MARCHF11: variants seen among roughly 807,000 people sequenced by gnomAD.
MARCHF11 encodes membrane associated ring-CH-type finger 11, also known as E3 ubiquitin-protein ligase MARCHF11.
In MARCHF11, 29 loss-of-function variants were observed where a neutral mutation model predicts 37.3. That is an observed-to-expected ratio of 0.78 (90% CI 0.58 to 1.06). The LOEUF (loss-of-function observed/expected upper bound fraction) is 1.06, where lower values mean the gene tolerates loss of function less well. MARCHF11 is among the 50% of genes least tolerant of loss of function. The probability of loss-of-function intolerance (pLI) is 0.00; values close to 1 mark genes in which losing one functional copy is unlikely to be tolerated. For missense variants in MARCHF11, 482 were observed against 533.4 expected, an observed-to-expected ratio of 0.90 and a Z score of 0.95; for synonymous variants, 233 against 228.0, an observed-to-expected ratio of 1.02 and a Z score of -0.20.
chr5:16,127,596 G>A (rs1737432828), intron 2 of MARCHF11, among the ~76,000 whole-genome samples: 1 of 152,200 alleles, frequency 6.6e-6, no homozygotes, highest in South Asian at 2.1e-4. Flanking sequence ...AATAACTTCT[G>A]GATAAGGAAT....
At chr5:16,087,902 A>T (rs1287114903) in intron 3 of MARCHF11, among the ~76,000 whole-genome samples, 1 of 152,228 alleles carries the variant, frequency 6.6e-6, no homozygotes, top group African/African-American at 2.4e-5. Context: ...TGGCTGGATG[A>T]TAACATTTTT....
chr5:16,089,478 C>T (rs1254418277), intron 3 of MARCHF11, among the ~76,000 whole-genome samples: 1 of 151,980 alleles, frequency 6.6e-6, no homozygotes, highest in African/African-American at 2.4e-5. Context: ...ATTCCGGCAA[C>T]ATCTCTTCAG....
chr5:16,178,748 G>A (rs1463165972), intron 1 of MARCHF11, among the ~76,000 whole-genome samples: 3 of 152,190 alleles, frequency 2.0e-5, no homozygotes, highest in Non-Finnish European at 4.4e-5. Flanking sequence ...CACAAAAGCC[G>A]CTTTTGGCAT....
At chr5:16,086,259 C>A (rs151101827) in intron 3 of MARCHF11, among the ~76,000 whole-genome samples, 1 of 152,062 alleles carries the variant, frequency 6.6e-6, no homozygotes, top group African/African-American at 2.4e-5. Flanking sequence ...CCTAAACCCA[C>A]GTAAACCTAA....
chr5:16,148,497 G>A (rs542754549), intron 2 of MARCHF11, among the ~76,000 whole-genome samples: 28 of 152,228 alleles, frequency 1.8e-4, no homozygotes, highest in African/African-American at 6.5e-4. Flanking sequence ...AGTGCAGAAT[G>A]GCAGGTTTGG....
At chr5:16,107,428 CA>C in intron 2 of MARCHF11, among the ~76,000 whole-genome samples, 1 of 151,906 alleles carries the variant, frequency 6.6e-6, no homozygotes, top group Middle Eastern at 3.4e-3. Context: ...ACGTCTTTGA[CA>C]AAAATTTTGT....
chr5:16,070,029 T>C (rs1736406673), intron 3 of MARCHF11, among the ~76,000 whole-genome samples: 2 of 152,204 alleles, frequency 1.3e-5, no homozygotes, highest in South Asian at 4.1e-4. Flanking sequence ...AGTTACTATA[T>C]ATGACCAAAA....
intron 2 of MARCHF11, among the ~76,000 whole-genome samples, chr5:16,104,523 A>G (rs1173226328): frequency 6.6e-6 from 1 of 152,204 alleles, no homozygotes; most frequent in Non-Finnish European, 1.5e-5. Flanking sequence ...AAGTCCTTAA[A>G]ATAGCAAAAT....
intron 2 of MARCHF11, among the ~76,000 whole-genome samples, chr5:16,123,852 TTTAA>T (rs777397557): frequency 3.9e-5 from 6 of 152,324 alleles, no homozygotes; most frequent in South Asian, 2.1e-4. Flanking sequence ...CACAGCCTTC[TTTAA>T]TTAATAGGTA....
rs185990656 is a variant in MARCHF11 at position 16,067,748 on chromosome 5, C to T, written c.932G>A (p.Arg311His). 13 of 1,613,688 alleles carry T rather than the reference C, an allele frequency of 8.1e-6. No homozygotes were observed. Among genetic ancestry groups the T allele is most frequent in the East Asian group, 4.5e-5 (2 of 44,864 alleles). Residue 311 changes from arginine (R) to histidine (H), a missense_variant, in exon 4 of 4, where the codon CGC becomes CAC. Arg to His is a conservative substitution (Grantham distance 29). Coordinates refer to ENST00000332432, the MANE Select transcript of MARCHF11 (RefSeq NM_001102562.3). ...EGAAVYRVFK[R>H]WRAVNLHWDV... Reference sequence around the variant, plus strand: ...CCAGTGCAAATTCACAGCTCGCCAGCGCTTAAACACTCTGTAAACTGCAGC... The same window carrying T: ...CCAGTGCAAATTCACAGCTCGCCAGTGCTTAAACACTCTGTAAACTGCAGC...
intron 3 of MARCHF11, among the ~76,000 whole-genome samples, chr5:16,078,182 A>G (rs1407548229): frequency 6.6e-6 from 1 of 152,166 alleles, no homozygotes; most frequent in Non-Finnish European, 1.5e-5. Context: ...GTGGAGTGAC[A>G]GGGTCTGGGT....
At chr5:16,158,745 T>C (rs1738024714) in intron 2 of MARCHF11, among the ~76,000 whole-genome samples, 1 of 152,008 alleles carries the variant, frequency 6.6e-6, no homozygotes, top group African/African-American at 2.4e-5. Flanking sequence ...GTGCAGGATG[T>C]GCAGGTTTGT....
In MARCHF11 at chr5:16,089,299, T is replaced by C. The variant is rs902983422; in HGVS notation, c.886+1590A>G. On this transcript the variant is annotated intron_variant, in intron 3 of 3. Transcript: ENST00000332432. ...TCATGCTGAAAGACAGAATAAACACTGTCTTTGAATGTGTTAAGGGATTCA... is the reference window on the plus strand; with the variant it reads ...TCATGCTGAAAGACAGAATAAACACCGTCTTTGAATGTGTTAAGGGATTCA... Among the ~76,000 whole-genome samples the C allele has an allele frequency of 2.3e-4, 35 of 152,172 alleles. 1 individual carries two copies. The highest frequency in any genetic ancestry group is 8.4e-4 in the African/African-American group (35 of 41,442).
At chr5:16,122,722 G>A (rs1737331659) in intron 2 of MARCHF11, among the ~76,000 whole-genome samples, 1 of 152,132 alleles carries the variant, frequency 6.6e-6, no homozygotes, top group Non-Finnish European at 1.5e-5. Context: ...CCTAGTTACA[G>A]ATTAAACCCC....
intron 3 of MARCHF11, among the ~76,000 whole-genome samples, chr5:16,071,340 A>C (rs187661243): frequency 6.0e-4 from 91 of 152,328 alleles, no homozygotes; most frequent in Admixed American, 2.0e-3. Context: ...GAGTGTGTGC[A>C]TGTGTATGTG....
rs144130560 is a variant in MARCHF11, at chr5:16,131,103, A to G, written c.694-40022T>C. On this transcript the variant is annotated intron_variant, in intron 2 of 3. Transcript: ENST00000332432. ...TAGAAGGGAAAGGTAAATTAACACA[A>G]ATCAACATGTAATATTAAGGAAAGT... 3.6e-3 allele frequency among the ~76,000 whole-genome samples: 549 copies of G among 152,348 alleles called. 6 individuals carry two copies. Among genetic ancestry groups the G allele is most frequent in the Non-Finnish European group, 2.5e-3 (171 of 68,026 alleles).
chr5:16,146,870 G>A (rs1437744554), intron 2 of MARCHF11, among the ~76,000 whole-genome samples: 1 of 151,586 alleles, frequency 6.6e-6, no homozygotes, highest in Non-Finnish European at 1.5e-5. Context: ...TTCTATTATG[G>A]TACTTTGTGG....
intron 2 of MARCHF11, among the ~76,000 whole-genome samples, chr5:16,153,380 C>G (rs572156448): frequency 1.3e-5 from 2 of 152,004 alleles, no homozygotes; most frequent in South Asian, 4.1e-4. Context: ...AGGAAGTGGG[C>G]TTATATCTAG....
intron 2 of MARCHF11, among the ~76,000 whole-genome samples, chr5:16,144,892 C>G (rs1436017513): frequency 1.3e-5 from 2 of 152,124 alleles, no homozygotes; most frequent in East Asian, 1.9e-4. Flanking sequence ...CATGTGCATG[C>G]CACAGAACAC....
Sources: gnomAD v4.1 joint callset for allele counts (sites outside exome capture counted in the v4.1 genomes callset) on GRCh38, gnomAD v4.1.1 for gene constraint, MANE v1.5 for transcripts, NCBI Gene and HGNC (gene_info 2026-07-23, HGNC 2026-07-21) for gene names.